The following LPP variants were observed in gnomAD, a reference collection of about 807,000 sequenced individuals.
LPP encodes lipoma-preferred partner.
Under a neutral mutation model 60.4 loss-of-function variants are expected in LPP, and 38 were observed. That is an observed-to-expected ratio of 0.63 (90% confidence interval 0.49 to 0.83). The LOEUF is 0.83. Ranked by LOEUF, LPP falls within the 40% of genes least tolerant of loss-of-function variation. The pLI is 0.00. For missense variants in LPP, 902 were observed against 783.6 expected (o/e 1.15, Z -1.80); for synonymous variants, 328 against 290.8 (o/e 1.13, Z -1.30).
chr3:188,639,931 T>G (rs1849696072), intron 7 of LPP, among the ~76,000 whole-genome samples: 1 of 152,044 alleles, frequency 6.6e-6, no homozygotes, highest in South Asian at 2.1e-4. Context: ...GACTGTAAAC[T>G]AGTTCAACCA....
chr3:188,816,460 C>G (rs990202098), intron 9 of LPP, among the ~76,000 whole-genome samples: 4 of 152,172 alleles, frequency 2.6e-5, no homozygotes, highest in Admixed American at 6.5e-5. Context: ...CTTGGCCTCC[C>G]AAAGTGCTGG....
chr3:188,531,661 G>A (rs140470617), intron 6 of LPP, among the ~76,000 whole-genome samples: 11 of 152,180 alleles, frequency 7.2e-5, no homozygotes, highest in African/African-American at 2.4e-4. Flanking sequence ...CAGGAGGGTG[G>A]CATACCCCAA....
intron 7 of LPP, among the ~76,000 whole-genome samples, chr3:188,701,270 G>C (rs1864345430): frequency 6.6e-6 from 1 of 151,972 alleles, no homozygotes; most frequent in African/African-American, 2.4e-5. Flanking sequence ...CCCAGATTTG[G>C]CTGTAAATTT....
At chr3:188,310,771 G>C (rs1753150936) in intron 2 of LPP, among the ~76,000 whole-genome samples, 2 of 152,190 alleles carry the variant, frequency 1.3e-5, no homozygotes, top group Non-Finnish European at 2.9e-5. Context: ...TGAGGCCAGA[G>C]TGGTGGGGGT....
intron 6 of LPP, among the ~76,000 whole-genome samples, chr3:188,555,815 C>T (rs1402139785): frequency 2.0e-5 from 3 of 151,998 alleles, no homozygotes; most frequent in Non-Finnish European, 4.4e-5. Flanking sequence ...GTCTGGGGTA[C>T]AAGGGCAGGC....
intron 3 of LPP, among the ~76,000 whole-genome samples, chr3:188,346,962 CTTCA>C (rs1764572251): frequency 6.6e-6 from 1 of 152,174 alleles, no homozygotes; most frequent in Non-Finnish European, 1.5e-5. Context: ...TCTTATTCTA[CTTCA>C]TTCATTCACT....
intron 2 of LPP, among the ~76,000 whole-genome samples, chr3:188,229,865 C>G (rs1450219539): frequency 6.6e-6 from 1 of 152,120 alleles, no homozygotes; most frequent in Non-Finnish European, 1.5e-5. Flanking sequence ...TAGACAGCAT[C>G]TGAAGTTTGA....
intron 8 of LPP, among the ~76,000 whole-genome samples, chr3:188,716,123 G>A (rs1713893085): frequency 6.6e-6 from 1 of 152,146 alleles, no homozygotes; most frequent in Non-Finnish European, 1.5e-5. Context: ...GAAACTTTTT[G>A]TTCATCTCTG....
At chr3:188,709,005 T>TA (rs1201895686) in intron 8 of LPP, 3 of 152,212 alleles carry the variant, frequency 2.0e-5, no homozygotes, top group East Asian at 3.8e-4. Flanking sequence ...AAGATTCAAG[T>TA]AAAAAATGTG....
rs759694450 is a variant in LPP at position 188,760,242 on chromosome 3, A to G, written c.1370A>G (p.Tyr457Cys). ...CNNKLRGQPFYAVEKKAYCEP... is the reference protein window; with the variant it reads ...CNNKLRGQPFCAVEKKAYCEP... ...AACAAGCTCCGAGGGCAGCCATTCT[A>G]TGCTGTGGAAAAGAAAGCATACTGC... Residue 457 changes from tyrosine to cysteine, a missense_variant, in exon 9 of 12, where the codon TAT (tyrosine) becomes TGT (cysteine). Coordinates refer to ENST00000617246, the MANE Select transcript of LPP (RefSeq NM_001375462.1). 1.6e-5 allele frequency: 26 copies of G among 1,613,998 alleles called. No homozygotes were observed. The highest frequency in any genetic ancestry group is 2.0e-5 in the Non-Finnish European group (24 of 1,180,026).
At chr3:188,667,704 G>T (rs559300309) in intron 7 of LPP, among the ~76,000 whole-genome samples, 6 of 149,216 alleles carry the variant, frequency 4.0e-5, no homozygotes, top group Non-Finnish European at 8.9e-5. Flanking sequence ...TTTCTTCCTG[G>T]GACAGATACC....
chr3:188,644,087 A>G (rs1850682244), intron 7 of LPP, among the ~76,000 whole-genome samples: 1 of 152,198 alleles, frequency 6.6e-6, no homozygotes, highest in East Asian at 1.9e-4. Context: ...ATCATATTTT[A>G]ATAAAAGATG....
intron 6 of LPP, among the ~76,000 whole-genome samples, chr3:188,606,577 C>T (rs1580339722): frequency 6.6e-6 from 1 of 152,034 alleles, no homozygotes; most frequent in East Asian, 1.9e-4. Context: ...GGTGGAGGGG[C>T]TTTACCTTTC....
chr3:188,858,660 T>C (rs1374732896), intron 9 of LPP, among the ~76,000 whole-genome samples: 1 of 152,214 alleles, frequency 6.6e-6, no homozygotes, highest in Non-Finnish European at 1.5e-5. Context: ...GCTTTTTCCT[T>C]ATGGTTTTAG....
intron 3 of LPP, among the ~76,000 whole-genome samples, chr3:188,347,338 G>A (rs374555412): frequency 1.2e-3 from 189 of 152,272 alleles, no homozygotes; most frequent in Middle Eastern, 6.8e-3. Flanking sequence ...ATCATAATTC[G>A]TTAACTACGT....
intron 4 of LPP, among the ~76,000 whole-genome samples, chr3:188,418,265 T>C (rs1478811758): frequency 2.0e-5 from 3 of 152,204 alleles, no homozygotes; most frequent in African/African-American, 7.2e-5. Context: ...CGATAAACAC[T>C]ATTTGGTAAT....
chr3:188,490,772 T>TTTTTTTTTTG (rs1553912545), intron 5 of LPP, among the ~76,000 whole-genome samples: 5 of 147,648 alleles, frequency 3.4e-5, no homozygotes, highest in South Asian at 2.2e-4. Flanking sequence ...TTTTTTTTTT[T>TTTTTTTTTTG]GGGACAGAGT....
intron 9 of LPP, among the ~76,000 whole-genome samples, chr3:188,766,746 G>T (rs762137189): frequency 1.3e-5 from 2 of 152,026 alleles, no homozygotes; most frequent in Non-Finnish European, 2.9e-5. Context: ...ATTAATGTAC[G>T]CCCATTAGAG....
intron 2 of LPP, among the ~76,000 whole-genome samples, chr3:188,250,811 TTTCTTTCTTTCTTTTTC>T: frequency 6.7e-6 from 1 of 148,328 alleles, no homozygotes; most frequent in Admixed American, 6.8e-5. Flanking sequence ...TTTCTTTCTC[TTTCTTTCTTTCTTTTTC>T]TTTCTTTCTT....
Sources: gnomAD v4.1 joint callset for allele counts (sites outside exome capture counted in the v4.1 genomes callset) on GRCh38, gnomAD v4.1.1 for gene constraint, MANE v1.5 for transcripts, NCBI Gene and HGNC (gene_info 2026-07-23, HGNC 2026-07-21) for gene names.